Variants in ACOX3 observed in about 807,000 individuals in gnomAD.
The protein encoded by ACOX3 is acyl-CoA oxidase 3, pristanoyl.
Under a neutral mutation model 81.5 loss-of-function variants are expected in ACOX3, and 73 were observed. The ratio of observed to expected loss-of-function variants is 0.90; its 90% CI spans 0.74 to 1.09. The LOEUF (loss-of-function observed/expected upper bound fraction) is 1.09, where lower values mean the gene tolerates loss of function less well. Among genes scored for constraint, ACOX3 ranks in the 50% least tolerant of loss-of-function variants. ACOX3 has a pLI of 0.00. For missense variants in ACOX3, 947 were observed against 928.0 expected, an observed-to-expected ratio of 1.02 and a Z score of -0.27; for synonymous variants, 387 against 375.1, an observed-to-expected ratio of 1.03 and a Z score of -0.37.
intron 10 of ACOX3, 66 bp from the exon 11 acceptor site, chr4:8,392,519 C>T: frequency 6.9e-7 from 1 of 1,446,310 alleles, no homozygotes; most frequent in Non-Finnish European, 9.2e-7. Context: ...AGTCATAAGT[C>T]AGCAATAGCA....
At position 8,435,136 on chromosome 4, in the gene ACOX3, G is replaced by A. The variant is rs192286728; in HGVS notation, c.-15+5512C>T. Among the ~76,000 whole-genome samples the A allele has an allele frequency of 2.8e-3, 434 of 152,320 alleles. 1 individual carries two copies. Among genetic ancestry groups the A allele is most frequent in the African/African-American group, 9.7e-3 (405 of 41,572 alleles). On this transcript the variant is annotated intron_variant, in intron 1 of 17. Coordinates refer to ENST00000356406, the MANE Select transcript of ACOX3 (RefSeq NM_003501.3). ...ATGCATGTTACAGAACCTTAAGAAA[G>A]GTTTTGCAGGGGATTACAGAGGTTA...
intron 1 of ACOX3, among the ~76,000 whole-genome samples, chr4:8,434,497 C>G (rs981750516): frequency 6.6e-6 from 1 of 152,258 alleles, no homozygotes; most frequent in African/African-American, 2.4e-5. Flanking sequence ...CCAGCTTGCG[C>G]GATGCAGATC....
At chr4:8,410,142 G>T in intron 6 of ACOX3, 70 bp downstream of exon 6, 3 of 1,537,476 alleles carry the variant, frequency 2.0e-6, no homozygotes, top group East Asian at 2.4e-5. Context: ...TGACAAAAAT[G>T]ACTCCAGACA....
intron 14 of ACOX3, among the ~76,000 whole-genome samples, chr4:8,379,410 C>T (rs1408154897): frequency 6.6e-6 from 1 of 152,234 alleles, no homozygotes; most frequent in Non-Finnish European, 1.5e-5. Context: ...TGTTTTCCCT[C>T]CAAGGCCTTG....
intron 14 of ACOX3, among the ~76,000 whole-genome samples, chr4:8,376,670 G>A (rs1264108685): frequency 6.6e-6 from 1 of 152,148 alleles, no homozygotes; most frequent in Admixed American, 6.5e-5. Context: ...CGTCCTGTCG[G>A]TGCCAGGAAG....
At chr4:8,434,439 T>C (rs1453330809) in intron 1 of ACOX3, among the ~76,000 whole-genome samples, 1 of 152,240 alleles carries the variant, frequency 6.6e-6, no homozygotes, top group East Asian at 1.9e-4. Context: ...GCCAGCCCCT[T>C]AGGCAGCTTA....
intron 5 of ACOX3, among the ~76,000 whole-genome samples, chr4:8,411,331 C>A (rs533360111): frequency 1.1e-4 from 17 of 152,316 alleles, no homozygotes; most frequent in African/African-American, 3.8e-4. Context: ...AATAACGTGC[C>A]GGGGAGGGCT....
At position 8,381,211 on chromosome 4, in the gene ACOX3, C is replaced by T. The variant is rs952976945; in HGVS notation, c.1653+281G>A. ...TCCGCCACTCTGTGCATCCAAGGCT[C>T]TCACAACCCAGAGCTTCACCGCTCT... On this transcript the variant is annotated intron_variant, in intron 14 of 17. Transcript: ENST00000356406. The surrounding 1 kb of genome is among the most constrained non-coding windows in gnomAD (Gnocchi z 4.3). Among the ~76,000 whole-genome samples the T allele has an allele frequency of 6.6e-6, 1 of 152,190 alleles. No individual in the cohort carries two copies. The highest frequency in any genetic ancestry group is 6.5e-5 in the Admixed American group (1 of 15,284).
chr4:8,360,844 T>C, the ACOX3 span, among the ~76,000 whole-genome samples: 5 of 152,196 alleles, frequency 3.3e-5, no homozygotes, highest in African/African-American at 7.2e-5. Context: ...CATGTGGAGT[T>C]AGCCACGCCC....
At chr4:8,361,691 G>C (rs946314803), downstream of ACOX3, among the ~76,000 whole-genome samples, 2 of 152,174 alleles carry the variant, frequency 1.3e-5, no homozygotes, top group South Asian at 2.1e-4. Context: ...GTTATCAAAG[G>C]CTTATGAGAA....
In ACOX3 at chr4:8,394,396, G is replaced by A. The variant is rs1578911685; in HGVS notation, c.1179+224C>T. Among the ~76,000 whole-genome samples the A allele has an allele frequency of 6.6e-6, 1 of 152,202 alleles. No individual in the cohort carries two copies. Among genetic ancestry groups the A allele is most frequent in the Non-Finnish European group, 1.5e-5 (1 of 68,042 alleles). On this transcript the variant is annotated intron_variant, in intron 10 of 17. Coordinates refer to ENST00000356406, the MANE Select transcript of ACOX3 (RefSeq NM_003501.3). This position sits in a 1 kb window ranked among gnomAD's most constrained non-coding sequence, Gnocchi z 5.9. ...CAGCTGAACTCACAGACTGGAACCG[G>A]GAGTCGTGTCAGCACATCCTTGAGA... is the stretch of plus-strand genomic sequence containing the variant.
At position 8,406,002 on chromosome 4, in the gene ACOX3, C is replaced by T; in HGVS notation, c.729G>A (p.Met243Ile). 6.2e-7 allele frequency: 1 copy of T among 1,614,188 alleles called. No individual in the cohort carries two copies. The highest frequency in any genetic ancestry group is 8.5e-7 in the Non-Finnish European group (1 of 1,180,044). The change falls in exon 7 of 18, where the codon ATG becomes ATA. Residue 243 changes from methionine to isoleucine, a missense_variant. Met to Ile is a conservative substitution (Grantham distance 10, BLOSUM62 1). Coordinates refer to ENST00000356406, the MANE Select transcript of ACOX3 (RefSeq NM_003501.3). The surrounding 1 kb of genome is among the most constrained non-coding windows in gnomAD (Gnocchi z 5.6). ...PKTLLPMPGV[M>I]VGDIGKKLGQ... is the part of the protein sequence containing the mutation. Reference sequence around the variant, plus strand: ...CGAGTTTTTTTCCTATGTCGCCAACCATCACTCCAGGCATGGGAAGAAGGG... The same window carrying T: ...CGAGTTTTTTTCCTATGTCGCCAACTATCACTCCAGGCATGGGAAGAAGGG...
At chr4:8,424,215 A>C (rs920301054) in intron 1 of ACOX3, among the ~76,000 whole-genome samples, 1 of 152,222 alleles carries the variant, frequency 6.6e-6, no homozygotes, top group Non-Finnish European at 1.5e-5. Flanking sequence ...GGTACAGTGA[A>C]ATAGCCAGGC....
rs982547241 is a variant in ACOX3 at position 8,416,238 on chromosome 4, CAG to C, written c.144+138_144+139del. The C allele has an allele frequency of 2.9e-5, 40 of 1,392,800 alleles. No homozygotes were observed. Among genetic ancestry groups the C allele is most frequent in the Admixed American group, 1.4e-4 (8 of 57,174 alleles). 86.3% of individuals were successfully genotyped at this position (1,392,800 alleles called of 1,614,324 possible). A position where few individuals can be genotyped will look rare whatever the true frequency, so the allele number is the denominator to read the frequency against. ...ATTCCCTGAGGCCTGTCCTGGGGTG[CAG>C]AGAGGAGAGAGGCCGCGCTGCCTGG... On this transcript the variant is annotated intron_variant, in intron 2 of 17. Coordinates refer to ENST00000356406, the MANE Select transcript of ACOX3 (RefSeq NM_003501.3). The surrounding 1 kb of genome is among the most constrained non-coding windows in gnomAD (Gnocchi z 4.2).
rs369291813 is a variant in ACOX3 at position 8,394,684 on chromosome 4, G to A, written c.1115C>T (p.Ser372Leu). The change falls in exon 10 of 18, where the codon TCG becomes TTG. Residue 372 changes from serine (S) to leucine (L), a missense_variant. Ser to Leu is a moderately radical substitution (Grantham distance 145). Coordinates refer to ENST00000356406, the MANE Select transcript of ACOX3 (RefSeq NM_003501.3). This position sits in a 1 kb window ranked among gnomAD's most constrained non-coding sequence, Gnocchi z 5.9. ...AVYALDHFSK[S>L]LFLDLVELQR... ...GAGCTCCACCAGGTCCAGGAAGAGC[G>A]ACTTGGAGAAATGGTCTAAGGCGTA... The A allele has an allele frequency of 2.9e-5, 46 of 1,613,758 alleles. No individual in the cohort carries two copies. Among genetic ancestry groups the A allele is most frequent in the South Asian group, 1.4e-4 (13 of 91,068 alleles).
rs1349057747 is a variant in ACOX3 at position 8,400,176 on chromosome 4, G to A, written c.777-524C>T. Among the ~76,000 whole-genome samples the A allele has an allele frequency of 2.6e-5, 4 of 152,008 alleles. No individual in the cohort carries two copies. Among genetic ancestry groups the A allele is most frequent in the East Asian group, 3.9e-4 (2 of 5,178 alleles). ...TGAGACAGGAGAATTGTTTGAACCC[G>A]GGCGGCGGAAGTTGCAGTGAGCCAA... On this transcript the variant is annotated intron_variant, in intron 7 of 17. Coordinates refer to ENST00000356406, the MANE Select transcript of ACOX3 (RefSeq NM_003501.3). This position sits in a 1 kb window ranked among gnomAD's most constrained non-coding sequence, Gnocchi z 4.4.
At chr4:8,403,339 C>G (rs1317029596) in intron 7 of ACOX3, among the ~76,000 whole-genome samples, 1 of 152,222 alleles carries the variant, frequency 6.6e-6, no homozygotes, top group Non-Finnish European at 1.5e-5. Context: ...ACTGGTATCA[C>G]TGCGCCCCCT....
chr4:8,359,121 G>A, the ACOX3 span, among the ~76,000 whole-genome samples: 1 of 152,148 alleles, frequency 6.6e-6, no homozygotes, highest in African/African-American at 2.4e-5. The surrounding 1 kb of genome is among the most constrained non-coding windows in gnomAD (Gnocchi z 6.0). Flanking sequence ...AGTGACTATA[G>A]TGTGGAAACC....
Position 8,430,876 on chromosome 4 carries a change from A to G in ACOX3, c.-15+9772T>C, listed in dbSNP as rs115495739. Among the ~76,000 whole-genome samples, 717 of 152,256 alleles carry G rather than the reference A, an allele frequency of 4.7e-3. 8 individuals are homozygous for G. The highest frequency in any genetic ancestry group is 0.017 in the African/African-American group (691 of 41,546). On this transcript the variant is annotated intron_variant, in intron 1 of 17. Transcript: ENST00000356406. This position sits in a 1 kb window ranked among gnomAD's most constrained non-coding sequence, Gnocchi z 5.2. ...CATCTCAAAAAATAAAAATAAAAAT[A>G]TCTTCCCACTGGGAAATGATTTGGG...
Sources: allele counts gnomAD v4.1 joint callset (sites outside exome capture counted in the v4.1 genomes callset), GRCh38; gene constraint gnomAD v4.1.1; non-coding constraint Gnocchi (gnomAD v3.1); transcripts MANE v1.5; gene names NCBI Gene and HGNC (gene_info 2026-07-23, HGNC 2026-07-21).